The following ZNF777 variants were observed in gnomAD, a reference collection of about 807,000 sequenced individuals.
ZNF777 encodes the protein zinc finger protein 777.
A neutral mutation model predicts 72.1 loss-of-function variants in ZNF777; 7 were observed. The ratio of observed to expected loss-of-function variants is 0.10; its 90% CI spans 0.06 to 0.18. The LOEUF is 0.18. Among genes scored for constraint, ZNF777 ranks in the 10% least tolerant of loss-of-function variants. ZNF777 has a pLI of 1.00. For synonymous variants in ZNF777, 545 were observed against 483.5 expected (o/e 1.13, Z -1.67); for missense variants, 828 against 1,128.6 (o/e 0.73, Z 3.82).
chr7:149,431,675 T>G lies in ZNF777; in HGVS notation c.*101A>C, dbSNP rs1333344520. On this transcript the variant is annotated 3_prime_UTR_variant, in exon 6 of 6. Transcript: ENST00000247930. ...GAGGGGGAGCTCACGGCAAAGGGGC[T>G]GGGGGGCGCCCCGCCCCCGCCCGCT... The G allele has an allele frequency of 1.8e-6, 2 of 1,095,894 alleles. No individual in the cohort carries two copies. The highest frequency in any genetic ancestry group is 2.0e-4 in the East Asian group (2 of 10,124). 67.9% of individuals were successfully genotyped at this position (1,095,894 alleles called of 1,614,324 possible).
intron 3 of ZNF777, among the ~76,000 whole-genome samples, chr7:149,452,157 C>A (rs188090721): frequency 6.6e-6 from 1 of 151,940 alleles, no homozygotes; most frequent in Non-Finnish European, 1.5e-5. Context: ...CCCAGCTACT[C>A]GGGAGGCTGA....
intron 4 of ZNF777, among the ~76,000 whole-genome samples, chr7:149,448,681 A>T (rs775901621): frequency 2.7e-5 from 4 of 150,312 alleles, no homozygotes; most frequent in Non-Finnish European, 5.9e-5. Context: ...GAAATGATGA[A>T]CCCTCTGAGT....
At position 149,436,550 on chromosome 7, in the gene ZNF777, C is replaced by G. The variant is rs1176080932; in HGVS notation, c.1339+25G>C. 6.4e-7 allele frequency: 1 copy of G among 1,566,906 alleles called. No individual in the cohort carries two copies. The highest frequency in any genetic ancestry group is 1.1e-5 in the South Asian group (1 of 87,638). ...TGGGAGGCCTCATGGCAACCCTTCCCCGGCCGTCCCCGCCCAGCACTCACC... is the reference window on the plus strand; with the variant it reads ...TGGGAGGCCTCATGGCAACCCTTCCGCGGCCGTCCCCGCCCAGCACTCACC... On this transcript the variant is annotated intron_variant, in intron 5 of 5. Coordinates refer to ENST00000247930, the MANE Select transcript of ZNF777 (RefSeq NM_015694.3). This position sits in a 1 kb window ranked among gnomAD's most constrained non-coding sequence, Gnocchi z 5.0.
intron 4 of ZNF777, among the ~76,000 whole-genome samples, chr7:149,443,654 G>A (rs1003913786): frequency 7.9e-5 from 12 of 151,762 alleles, no homozygotes; most frequent in South Asian, 4.2e-4. Flanking sequence ...TTTTTGAGAC[G>A]GGGCTGCATC....
intron 4 of ZNF777, among the ~76,000 whole-genome samples, chr7:149,440,657 AGCC>A (rs1799495670): frequency 1.4e-5 from 2 of 144,312 alleles, no homozygotes; most frequent in Non-Finnish European, 3.0e-5. Context: ...CATGCCCAGC[AGCC>A]TGTTGTTTTT....
chr7:149,452,193 A>T (rs1004115173), intron 3 of ZNF777, among the ~76,000 whole-genome samples: 1 of 151,954 alleles, frequency 6.6e-6, no homozygotes, highest in Non-Finnish European at 1.5e-5. Flanking sequence ...TGAACCCGGG[A>T]GGCGGAGCGT....
intron 4 of ZNF777, among the ~76,000 whole-genome samples, chr7:149,443,695 G>A (rs1799562355): frequency 1.3e-5 from 2 of 152,194 alleles, no homozygotes; most frequent in South Asian, 2.1e-4. Context: ...TGATTCTCCT[G>A]CCTTAGCCTC....
chr7:149,457,230 G>A (rs911017447), intron 1 of ZNF777, among the ~76,000 whole-genome samples: 1 of 152,158 alleles, frequency 6.6e-6, no homozygotes, highest in Admixed American at 6.5e-5. Flanking sequence ...GCGAAGCCAC[G>A]ATCTTCTGTG....
chr7:149,442,248 A>G, intron 4 of ZNF777, among the ~76,000 whole-genome samples: 1 of 147,970 alleles, frequency 6.8e-6, no homozygotes, highest in Non-Finnish European at 1.5e-5. Flanking sequence ...GATAAATTTG[A>G]ATACATAAAA....
chr7:149,448,675 T>C (rs1799660915), intron 4 of ZNF777, among the ~76,000 whole-genome samples: 1 of 149,360 alleles, frequency 6.7e-6, no homozygotes. Context: ...GAGACTGAAA[T>C]GATGAACCCT....
chr7:149,441,468 T>G (rs6963704), intron 4 of ZNF777, among the ~76,000 whole-genome samples: 5,632 of 152,320 alleles, frequency 0.037, 253 homozygotes, highest in African/African-American at 0.099. Context: ...AGATATTCCT[T>G]CTGGAGGATG....
chr7:149,451,039 T>G lies in ZNF777; in HGVS notation c.1047A>C (p.Glu349Asp). Residue 349 changes from glutamate (E) to aspartate (D), a missense_variant, in exon 4 of 6, where the codon GAA (glutamate) becomes GAC (aspartate). Physicochemically the swap from Glu to Asp is conservative, Grantham distance 45. Transcript: ENST00000247930. ...RGERPTMQEQEDSEEGETPTD... is the reference protein window; with the variant it reads ...RGERPTMQEQDDSEEGETPTD... ...TCGGCGTTTCGCCCTCCTCAGAGTC[T>G]TCCTGCTCCTGCATGGTGGGCCGCT... is the stretch of plus-strand genomic sequence containing the variant. The G allele has an allele frequency of 6.2e-7, 1 of 1,614,030 alleles. No homozygotes were observed.
chr7:149,449,421 G>A (rs1386228267), intron 4 of ZNF777, among the ~76,000 whole-genome samples: 1 of 152,220 alleles, frequency 6.6e-6, no homozygotes, highest in Non-Finnish European at 1.5e-5. Context: ...TTCTGTGGGA[G>A]GCCATCTGTG....
Position 149,455,631 on chromosome 7 carries a change from G to A in ZNF777, c.392C>T (p.Ser131Phe). ...SPHHQEAPVH[S>F]PEAPEKDPLT... ...GGGGTCTTTCTCAGGAGCTTCAGGGGAGTGAACGGGGGCTTCCTGGTGGTG... is the reference window on the plus strand; with the variant it reads ...GGGGTCTTTCTCAGGAGCTTCAGGGAAGTGAACGGGGGCTTCCTGGTGGTG... The change falls in exon 2 of 6, where the codon TCC becomes TTC. Residue 131 changes from serine to phenylalanine, a missense_variant. Physicochemically the swap from Ser to Phe is radical, Grantham distance 155. Transcript: ENST00000247930. The surrounding 1 kb of genome is among the most constrained non-coding windows in gnomAD (Gnocchi z 4.2). The A allele has an allele frequency of 6.3e-7, 1 of 1,590,372 alleles. No individual in the cohort carries two copies. The highest frequency in any genetic ancestry group is 1.7e-4 in the Middle Eastern group (1 of 5,910).
chr7:149,456,500 T>C (rs1029333772), intron 1 of ZNF777, among the ~76,000 whole-genome samples: 12 of 152,184 alleles, frequency 7.9e-5, no homozygotes, highest in African/African-American at 2.7e-4. Context: ...GTTGAAGCAC[T>C]GAACATAAAA....
chr7:149,459,162 C>T (rs1233550781), intron 1 of ZNF777, among the ~76,000 whole-genome samples: 2 of 152,018 alleles, frequency 1.3e-5, no homozygotes, highest in Non-Finnish European at 2.9e-5. Context: ...AATTGGGATG[C>T]TTTTTAGAAA....
chr7:149,457,229 C>T (rs921430044), intron 1 of ZNF777, among the ~76,000 whole-genome samples: 1 of 152,208 alleles, frequency 6.6e-6, no homozygotes, highest in African/African-American at 2.4e-5. Flanking sequence ...GGCGAAGCCA[C>T]GATCTTCTGT....
At chr7:149,437,821 T>TG (rs1799444395) in intron 4 of ZNF777, among the ~76,000 whole-genome samples, 2 of 142,814 alleles carry the variant, frequency 1.4e-5, no homozygotes, top group East Asian at 2.2e-4. Context: ...TTTTTTTTTT[T>TG]GTCACTATTG....
chr7:149,453,041 AT>A (rs1689383206), intron 3 of ZNF777, among the ~76,000 whole-genome samples: 1 of 152,188 alleles, frequency 6.6e-6, no homozygotes, highest in Non-Finnish European at 1.5e-5. Flanking sequence ...AACACTCTCT[AT>A]CCCCCTACAT....
Sources: gnomAD v4.1 joint callset for allele counts (sites outside exome capture counted in the v4.1 genomes callset) on GRCh38, gnomAD v4.1.1 for gene constraint, Gnocchi (gnomAD v3.1) non-coding constraint, MANE v1.5 for transcripts, NCBI Gene and HGNC (gene_info 2026-07-23, HGNC 2026-07-21) for gene names.